Variants in COL7A1 observed in about 807,000 individuals in gnomAD.
The protein encoded by COL7A1 is collagen alpha-1(VII) chain.
Under a neutral mutation model 456.2 loss-of-function variants are expected in COL7A1, and 296 were observed. The ratio of observed to expected loss-of-function variants is 0.65; its 90% CI spans 0.59 to 0.71. The LOEUF is 0.71. Among genes scored for constraint, COL7A1 ranks in the 30% least tolerant of loss-of-function variants. The probability of loss-of-function intolerance (pLI) is 0.00; values close to 1 mark genes in which losing one functional copy is unlikely to be tolerated. For missense variants in COL7A1, 3,441 were observed against 4,017.2 expected, an observed-to-expected ratio of 0.86 and a Z score of 3.88; for synonymous variants, 1,464 against 1,525.9, an observed-to-expected ratio of 0.96 and a Z score of 0.95.
chr3:48,566,163 C>T lies in COL7A1; in HGVS notation c.8407+104G>A, dbSNP rs963909968. 2.5e-6 allele frequency: 3 copies of T among 1,205,322 alleles called. No homozygotes were observed. The highest frequency in any genetic ancestry group is 3.0e-5 in the African/African-American group (2 of 66,166). The allele number at this position is 1,205,322 out of a possible 1,614,324, so 74.7% of individuals were successfully genotyped here. On this transcript the variant is annotated intron_variant, in intron 114 of 118. Transcript: ENST00000681320. The surrounding 1 kb of genome is among the most constrained non-coding windows in gnomAD (Gnocchi z 5.9). Reference sequence around the variant, plus strand: ...TGTGTCCTTCTGTGTATCCATCCATCCCCCCATCTTCTTGACTGCTTGCCC... The same window carrying T: ...TGTGTCCTTCTGTGTATCCATCCATTCCCCCATCTTCTTGACTGCTTGCCC...
Position 48,575,543 on chromosome 3 carries a change from C to G in COL7A1, c.5980-4G>C. 1 of 1,612,722 alleles carries G rather than the reference C, an allele frequency of 6.2e-7. No individual in the cohort carries two copies. The highest frequency in any genetic ancestry group is 1.3e-5 in the African/African-American group (1 of 75,066). The stretch of plus-strand genomic sequence containing the variant: ...CTCCAGGAAAGCCGATGGGGCCCTG[C>G]AGGAGTGGAAGAGAGAATGCTGGTG... On this transcript the variant is annotated splice_region_variant and splice_polypyrimidine_tract_variant and intron_variant, in intron 73 of 118. Coordinates refer to ENST00000681320, the MANE Select transcript of COL7A1 (RefSeq NM_000094.4). The surrounding 1 kb of genome is among the most constrained non-coding windows in gnomAD (Gnocchi z 6.3).
At position 48,570,439 on chromosome 3, in the gene COL7A1, G is replaced by C. The variant is rs375003303; in HGVS notation, c.7380+26C>G. 1.1e-5 allele frequency: 18 copies of C among 1,613,922 alleles called. No individual in the cohort carries two copies. The highest frequency in any genetic ancestry group is 1.5e-5 in the Non-Finnish European group (18 of 1,179,974). ...AAGGGGGTGACCAGGGCACAAGAGA[G>C]AGTCAGCAGCACTTGTCCCACCTAC... On this transcript the variant is annotated intron_variant, in intron 97 of 118. Transcript: ENST00000681320. The surrounding 1 kb of genome is among the most constrained non-coding windows in gnomAD (Gnocchi z 5.5).
In COL7A1 at chr3:48,592,317, C is replaced by T. The variant is rs754477063; in HGVS notation, c.1093+34G>A. 1.6e-5 allele frequency: 26 copies of T among 1,613,272 alleles called. No homozygotes were observed. Among genetic ancestry groups the T allele is most frequent in the South Asian group, 4.4e-5 (4 of 91,080 alleles). On this transcript the variant is annotated intron_variant, in intron 9 of 118. Coordinates refer to ENST00000681320, the MANE Select transcript of COL7A1 (RefSeq NM_000094.4). The surrounding 1 kb of genome is among the most constrained non-coding windows in gnomAD (Gnocchi z 7.6). The stretch of plus-strand genomic sequence containing the variant: ...GGACTCTACAGCCTTGTCTGAGGCG[C>T]GGGGACTCCCCTCAGCCCACATCTC...
rs1575416012 is a variant in COL7A1, at chr3:48,565,775, T to G, written c.8408-107A>C. On this transcript the variant is annotated intron_variant, in intron 114 of 118. Coordinates refer to ENST00000681320, the MANE Select transcript of COL7A1 (RefSeq NM_000094.4). The surrounding 1 kb of genome is among the most constrained non-coding windows in gnomAD (Gnocchi z 4.5). The stretch of plus-strand genomic sequence containing the variant: ...AGAGGGGTAGAGATACACAAAGAGA[T>G]AGCAGGAGAGGGTAACAGGAGAGAG... 1 of 1,072,474 alleles carries G rather than the reference T, an allele frequency of 9.3e-7. No homozygotes were observed. The highest frequency in any genetic ancestry group is 1.3e-5 in the South Asian group (1 of 74,146). 66.4% of individuals were successfully genotyped at this position (1,072,474 alleles called of 1,614,324 possible). A position where few individuals can be genotyped will look rare whatever the true frequency, so the allele number is the denominator to read the frequency against.
At chr3:48,582,561 G>C in intron 45 of COL7A1, 48 bp from the exon 46 acceptor site, 1 of 1,613,782 alleles carries the variant, frequency 6.2e-7, no homozygotes, top group Non-Finnish European at 8.5e-7. Context: ...GAAAGGGGAG[G>C]GACACACAAA....
intron 16 of COL7A1, 36 bp from the exon 17 acceptor site, chr3:48,589,754 A>C (rs1414397351): frequency 6.2e-7 from 1 of 1,613,746 alleles, no homozygotes; most frequent in East Asian, 2.2e-5. Context: ...CTGCTGGAAC[A>C]GGCAGGAAGG....
In COL7A1 at chr3:48,566,922, TC is replaced by T; in HGVS notation, c.8210del (p.Gly2737AspfsTer49). On this transcript the variant is annotated frameshift_variant, in exon 111 of 119. Transcript: ENST00000681320. LOFTEE classifies it high-confidence loss of function. This position sits in a 1 kb window ranked among gnomAD's most constrained non-coding sequence, Gnocchi z 5.9. The part of the protein sequence containing the change: ...PGSVGPRGPE[G>X]LQGQKGERGP... ...GGCCCCTTACCTTCTGGCCCTGAAGTCCTTCGGGGCCTCTGGGACCAACACT... is the reference window on the plus strand; with the variant it reads ...GGCCCCTTACCTTCTGGCCCTGAAGTCTTCGGGGCCTCTGGGACCAACACT... 1 of 1,605,894 alleles carries T rather than the reference TC, an allele frequency of 6.2e-7. No individual in the cohort carries two copies. The highest frequency in any genetic ancestry group is 2.2e-5 in the East Asian group (1 of 44,688).
chr3:48,582,678 G>C (rs770150460), intron 44 of COL7A1, 25 bp from the exon 45 acceptor site: 1 of 1,612,512 alleles, frequency 6.2e-7, no homozygotes, highest in African/African-American at 1.3e-5. Context: ...GGGAAGAGCT[G>C]TGCAGGTGGG....
chr3:48,588,396 C>G lies in COL7A1; in HGVS notation c.2596G>C (p.Ala866Pro). 6.2e-7 allele frequency: 1 copy of G among 1,610,240 alleles called. No individual in the cohort carries two copies. Among genetic ancestry groups the G allele is most frequent in the Non-Finnish European group, 8.5e-7 (1 of 1,179,824 alleles). ...VSIVVTTPPE[A>P]PPALGTLHVV... ...TGAAGCGTCCCCAGGGCTGGCGGAG[C>G]CTCAGGCGCTGGAGAGAAAGCTCAG... The change falls in exon 21 of 119, where the codon GCT becomes CCT. Residue 866 changes from alanine (A) to proline (P), a missense_variant. Physicochemically the swap from Ala to Pro is conservative, Grantham distance 27. Coordinates refer to ENST00000681320, the MANE Select transcript of COL7A1 (RefSeq NM_000094.4). The surrounding 1 kb of genome is among the most constrained non-coding windows in gnomAD (Gnocchi z 4.6).
At position 48,569,015 on chromosome 3, in the gene COL7A1, G is replaced by A. The variant is rs1203388931; in HGVS notation, c.7687-160C>T. 1.3e-5 allele frequency among the ~76,000 whole-genome samples: 2 copies of A among 152,144 alleles called. No homozygotes were observed. Among genetic ancestry groups the A allele is most frequent in the African/African-American group, 4.8e-5 (2 of 41,418 alleles). On this transcript the variant is annotated intron_variant, in intron 103 of 118. Coordinates refer to ENST00000681320, the MANE Select transcript of COL7A1 (RefSeq NM_000094.4). This position sits in a 1 kb window ranked among gnomAD's most constrained non-coding sequence, Gnocchi z 4.9. ...GCCATAGCGGGTGGAACTGGGGGCT[G>A]TAGTCCACAGACTGGCTCATTTCTC... is the stretch of plus-strand genomic sequence containing the variant.
rs200240573 is a variant in COL7A1 at position 48,586,328 on chromosome 3, T to G, written c.3550+4A>C. ...GACCCCTTCCCCATCAGCCTACTCC[T>G]TACCAGAAGCCTGGGCCTCACGGAT... On this transcript the variant is annotated splice_donor_region_variant and intron_variant, in intron 27 of 118. Coordinates refer to ENST00000681320, the MANE Select transcript of COL7A1 (RefSeq NM_000094.4). This position sits in a 1 kb window ranked among gnomAD's most constrained non-coding sequence, Gnocchi z 5.1. 9 of 1,613,870 alleles carry G rather than the reference T, an allele frequency of 5.6e-6. No homozygotes were observed. In the Admixed American group the frequency reaches 6.7e-5, roughly 12 times the overall value.
In COL7A1 at chr3:48,569,497, C is replaced by T. The variant is rs763699621; in HGVS notation, c.7615-51G>A. ...CGGTAAGGGGCTGAAGGTCCCTCAC[C>T]CTCTGGGAGTTTGAGCTCTCAGATG... On this transcript the variant is annotated intron_variant, in intron 102 of 118. Transcript: ENST00000681320. The surrounding 1 kb of genome is among the most constrained non-coding windows in gnomAD (Gnocchi z 4.9). The T allele has an allele frequency of 6.2e-7, 1 of 1,613,774 alleles. No individual in the cohort carries two copies. Among genetic ancestry groups the T allele is most frequent in the Non-Finnish European group, 8.5e-7 (1 of 1,179,664 alleles).
In COL7A1 at chr3:48,591,784, C is replaced by T; in HGVS notation, c.1396G>A (p.Val466Met). Residue 466 changes from valine (V) to methionine (M), a missense_variant, in exon 12 of 119, where the codon GTG becomes ATG. Physicochemically the swap from Val to Met is conservative, Grantham distance 21 (BLOSUM62 1). Coordinates refer to ENST00000681320, the MANE Select transcript of COL7A1 (RefSeq NM_000094.4). The surrounding 1 kb of genome is among the most constrained non-coding windows in gnomAD (Gnocchi z 7.0). Reference protein sequence around the residue: ...PPQKVVLPSDVTRYQLDGLQP... With the variant: ...PPQKVVLPSDMTRYQLDGLQP... ...AGCCCATCCAACTGGTAGCGGGTCACATCAGAGGGCAGTACCACCTTCTGC... is the reference window on the plus strand; with the variant it reads ...AGCCCATCCAACTGGTAGCGGGTCATATCAGAGGGCAGTACCACCTTCTGC... 6.2e-7 allele frequency: 1 copy of T among 1,614,204 alleles called. No individual in the cohort carries two copies. Among genetic ancestry groups the T allele is most frequent in the Non-Finnish European group, 8.5e-7 (1 of 1,180,034 alleles).
rs1483353281 is a variant in COL7A1, at chr3:48,570,853, C to T, written c.7272+8G>A. 3 of 1,605,826 alleles carry T rather than the reference C, an allele frequency of 1.9e-6. No homozygotes were observed. The South Asian group carries it at 3.4e-5, about 18-fold the overall frequency. ...CCATGCCCCTACATGCTGTTCCCAG[C>T]CCCTCACCCGCTCTCCACTAGGGCC... On this transcript the variant is annotated splice_region_variant and intron_variant, in intron 95 of 118. Transcript: ENST00000681320. The surrounding 1 kb of genome is among the most constrained non-coding windows in gnomAD (Gnocchi z 5.5).
rs1190386889 is a variant in COL7A1 at position 48,576,311 on chromosome 3, A to G, written c.5773-15T>C. ...CCAGGGAGGCCCTGGAGAGATGAAGACAAACTGCTAGGAACCAGCCTATGG... is the reference window on the plus strand; with the variant it reads ...CCAGGGAGGCCCTGGAGAGATGAAGGCAAACTGCTAGGAACCAGCCTATGG... On this transcript the variant is annotated splice_polypyrimidine_tract_variant and intron_variant, in intron 70 of 118. Transcript: ENST00000681320. The G allele has an allele frequency of 6.2e-7, 1 of 1,613,744 alleles. No homozygotes were observed. The highest frequency in any genetic ancestry group is 8.5e-7 in the Non-Finnish European group (1 of 1,180,016).
In COL7A1 at chr3:48,594,557, G is replaced by C. The variant is rs747336903; in HGVS notation, c.86-9C>G. On this transcript the variant is annotated splice_polypyrimidine_tract_variant and intron_variant, in intron 2 of 118. Coordinates refer to ENST00000681320, the MANE Select transcript of COL7A1 (RefSeq NM_000094.4). This position sits in a 1 kb window ranked among gnomAD's most constrained non-coding sequence, Gnocchi z 5.5. Reference sequence around the variant, plus strand: ...AAGGCGCGTGCAGGTCACTGGGGCGGGCAGGAGAGATCAGGGCCTCTTCTG... The same window carrying C: ...AAGGCGCGTGCAGGTCACTGGGGCGCGCAGGAGAGATCAGGGCCTCTTCTG... 6.3e-7 allele frequency: 1 copy of C among 1,576,080 alleles called. No homozygotes were observed. The highest frequency in any genetic ancestry group is 1.4e-5 in the African/African-American group (1 of 73,998).
chr3:48,594,401 C>T lies in COL7A1; in HGVS notation c.233G>A (p.Arg78His), dbSNP rs866241910. ...ATCGCTGTACTGCACTGTGGCAAAG[C>T]GCACACCCTGTGCACTGGCTGCTCC... The part of the protein sequence containing the change: ...FSGAASAQGV[R>H]FATVQYSDDP... The change falls in exon 3 of 119, where the codon CGC (arginine) becomes CAC (histidine). Residue 78 changes from arginine (R) to histidine (H), a missense_variant. Arg to His is a conservative substitution (Grantham distance 29, BLOSUM62 0). This residue lies in a region of COL7A1 where 913 missense variants were observed against 1,088.2 expected (regional missense o/e 0.84). Coordinates refer to ENST00000681320, the MANE Select transcript of COL7A1 (RefSeq NM_000094.4). The surrounding 1 kb of genome is among the most constrained non-coding windows in gnomAD (Gnocchi z 5.5). 3.7e-6 allele frequency: 6 copies of T among 1,611,514 alleles called. No homozygotes were observed. Among genetic ancestry groups the T allele is most frequent in the African/African-American group, 1.3e-5 (1 of 75,000 alleles).
Position 48,578,711 on chromosome 3 carries a change from G to A in COL7A1, c.5425-196C>T, listed in dbSNP as rs1389789490. Among the ~76,000 whole-genome samples, 1 of 152,160 alleles carries A rather than the reference G, an allele frequency of 6.6e-6. No homozygotes were observed. Among genetic ancestry groups the A allele is most frequent in the Non-Finnish European group, 1.5e-5 (1 of 68,006 alleles). On this transcript the variant is annotated intron_variant, in intron 63 of 118. Coordinates refer to ENST00000681320, the MANE Select transcript of COL7A1 (RefSeq NM_000094.4). This position sits in a 1 kb window ranked among gnomAD's most constrained non-coding sequence, Gnocchi z 4.7. ...GAGACTCCCAAGGGAAGAACCCCCA[G>A]GACTTGGAGGGCCTATGAAGACCCC... is the stretch of plus-strand genomic sequence containing the variant.
At position 48,566,447 on chromosome 3, in the gene COL7A1, G is replaced by A; in HGVS notation, c.8358+63C>T. The A allele has an allele frequency of 1.2e-6, 2 of 1,609,892 alleles. No homozygotes were observed. The highest frequency in any genetic ancestry group is 1.7e-6 in the Non-Finnish European group (2 of 1,176,814). ...GGGGTCAGGGTGCTGGGTGAGGGAG[G>A]TAGGGCCCCAGCCCACCCAGGCCCA... On this transcript the variant is annotated intron_variant, in intron 113 of 118. Transcript: ENST00000681320. This position sits in a 1 kb window ranked among gnomAD's most constrained non-coding sequence, Gnocchi z 5.9.
Sources: allele counts gnomAD v4.1 joint callset (sites outside exome capture counted in the v4.1 genomes callset), GRCh38; gene constraint gnomAD v4.1.1; regional missense constraint gnomAD v4.1.1; non-coding constraint Gnocchi (gnomAD v3.1); transcripts MANE v1.5; gene names NCBI Gene and HGNC (gene_info 2026-07-23, HGNC 2026-07-21).